Variants in RPS6KA5 observed in about 807,000 individuals in gnomAD.
RPS6KA5 encodes the protein ribosomal protein S6 kinase A5.
Under a neutral mutation model 85.5 loss-of-function variants are expected in RPS6KA5, and 27 were observed. The observed-to-expected ratio is 0.32, with a 90% CI of 0.23 to 0.44. The LOEUF (loss-of-function observed/expected upper bound fraction) is 0.44. RPS6KA5 is among the 20% of genes least tolerant of loss of function. The probability of loss-of-function intolerance (pLI) is 1.00; values close to 1 mark genes in which losing one functional copy is unlikely to be tolerated. For missense variants in RPS6KA5, 811 were observed against 980.9 expected (o/e 0.83, Z 2.31); for synonymous variants, 334 against 348.2 (o/e 0.96, Z 0.46).
At chr14:90,900,828 A>G in intron 9 of RPS6KA5, 92 bp from the exon 10 acceptor site, 15 of 1,051,028 alleles carry the variant, frequency 1.4e-5, no homozygotes, top group Non-Finnish European at 2.0e-5. Context: ...TTCCTTAGAA[A>G]AACACTCAAA....
chr14:90,888,336 A>G (rs908678031), intron 14 of RPS6KA5, among the ~76,000 whole-genome samples: 11 of 152,250 alleles, frequency 7.2e-5, no homozygotes, highest in African/African-American at 2.7e-4. Flanking sequence ...CTTGATGGAC[A>G]TAATTGGCCT....
At chr14:91,009,192 A>G (rs2041156181) in intron 1 of RPS6KA5, among the ~76,000 whole-genome samples, 2 of 152,200 alleles carry the variant, frequency 1.3e-5, no homozygotes, top group African/African-American at 4.8e-5. Context: ...AGGTGGGGCC[A>G]CTGGAAAGTG....
rs138654633 is a variant in RPS6KA5, at chr14:90,907,522, C to T, written c.807-1223G>A. ...TGAGCTACTGTTATACTCCCTCATT[C>T]CAAGGCAACCATATAGAAAATAGGC... On this transcript the variant is annotated intron_variant, in intron 7 of 16. Coordinates refer to ENST00000614987, the MANE Select transcript of RPS6KA5 (RefSeq NM_004755.4). Among the ~76,000 whole-genome samples, 876 of 152,266 alleles carry T rather than the reference C, an allele frequency of 5.8e-3. 15 individuals are homozygous for T. The highest frequency in any genetic ancestry group is 0.017 in the Middle Eastern group (5 of 294).
At position 91,009,410 on chromosome 14, in the gene RPS6KA5, G is replaced by A. The variant is rs531172386; in HGVS notation, c.104-8251C>T. On this transcript the variant is annotated intron_variant, in intron 1 of 16. Transcript: ENST00000614987. ...GTTGTTTATAAATTACCTAATCCAA[G>A]GTTGCTGGGCTTTTTCTTTTAATAG... Among the ~76,000 whole-genome samples the A allele has an allele frequency of 5.9e-5, 9 of 152,274 alleles. No individual in the cohort carries two copies. The South Asian group carries it at 1.9e-3, about 32-fold the overall frequency.
intron 14 of RPS6KA5, among the ~76,000 whole-genome samples, chr14:90,889,385 T>C (rs1484333796): frequency 4.6e-5 from 7 of 150,568 alleles, no homozygotes; most frequent in African/African-American, 1.7e-4. Flanking sequence ...TAAATATTCA[T>C]CAAAGAAACA....
chr14:90,983,947 C>G (rs534810371), intron 2 of RPS6KA5, among the ~76,000 whole-genome samples: 3 of 151,990 alleles, frequency 2.0e-5, no homozygotes, highest in Non-Finnish European at 4.4e-5. Context: ...TGGGTTCAAG[C>G]GATTCTCCCA....
At chr14:90,889,936 T>C (rs1465897073) in intron 14 of RPS6KA5, among the ~76,000 whole-genome samples, 3 of 152,130 alleles carry the variant, frequency 2.0e-5, no homozygotes, top group Non-Finnish European at 4.4e-5. Flanking sequence ...GAAAAAGTAA[T>C]GATATTTGGA....
At chr14:90,900,856 C>A in intron 9 of RPS6KA5, 120 bp from the exon 10 acceptor site, 1 of 769,186 alleles carries the variant, frequency 1.3e-6, no homozygotes, top group Non-Finnish European at 2.0e-6. Flanking sequence ...TGAGATGAGT[C>A]TAATTTTATT....
intron 3 of RPS6KA5, among the ~76,000 whole-genome samples, chr14:90,977,566 T>A (rs1346749021): frequency 1.3e-5 from 2 of 151,856 alleles, no homozygotes; most frequent in African/African-American, 4.9e-5. Context: ...GGAACAGAAG[T>A]CTTTTCTTTC....
Position 90,984,884 on chromosome 14 carries a change from A to T in RPS6KA5, c.176-6360T>A, listed in dbSNP as rs148883962. Among the ~76,000 whole-genome samples, 154 of 152,330 alleles carry T rather than the reference A, an allele frequency of 1.0e-3. 2 individuals carry two copies. The highest frequency in any genetic ancestry group is 4.2e-3 in the Admixed American group (64 of 15,308). On this transcript the variant is annotated intron_variant, in intron 2 of 16. Coordinates refer to ENST00000614987, the MANE Select transcript of RPS6KA5 (RefSeq NM_004755.4). ...AAGCAGTCTTCTTGAGCATAAACTT[A>T]TCTTTCATTTTATTTGCAAAATTTG...
intron 2 of RPS6KA5, among the ~76,000 whole-genome samples, chr14:90,981,954 A>G (rs552633784): frequency 5.4e-4 from 82 of 152,250 alleles, no homozygotes; most frequent in Non-Finnish European, 1.0e-3. Context: ...AACACATTCC[A>G]TACTGGAGAG....
Position 90,894,593 on chromosome 14 carries a change from A to C in RPS6KA5, c.1474-10T>G, listed in dbSNP as rs777106481. 1 of 1,612,692 alleles carries C rather than the reference A, an allele frequency of 6.2e-7. No individual in the cohort carries two copies. Among genetic ancestry groups the C allele is most frequent in the African/African-American group, 1.3e-5 (1 of 74,912 alleles). ...CTAGAAACGTGTGAAGCTAGAAAAGAGAAAGAATAACGTGGAGGGCCTTCC... is the reference window on the plus strand; with the variant it reads ...CTAGAAACGTGTGAAGCTAGAAAAGCGAAAGAATAACGTGGAGGGCCTTCC... On this transcript the variant is annotated splice_polypyrimidine_tract_variant and intron_variant, in intron 12 of 16. Coordinates refer to ENST00000614987, the MANE Select transcript of RPS6KA5 (RefSeq NM_004755.4).
At chr14:90,889,294 CAAAAAAAAAAAA>C (rs11450327) in intron 14 of RPS6KA5, among the ~76,000 whole-genome samples, 7 of 71,240 alleles carry the variant, frequency 9.8e-5, no homozygotes, top group African/African-American at 2.1e-4. Flanking sequence ...ACTTTGTCTC[CAAAAAAAAAAAA>C]AAAAAAAAAA....
chr14:91,018,243 T>C (rs868021394), intron 1 of RPS6KA5, among the ~76,000 whole-genome samples: 3 of 152,320 alleles, frequency 2.0e-5, no homozygotes, highest in Middle Eastern at 3.4e-3. Flanking sequence ...GTCATGAATA[T>C]TTCCTTATTT....
At chr14:90,944,626 A>G (rs1433560671) in intron 4 of RPS6KA5, among the ~76,000 whole-genome samples, 1 of 152,032 alleles carries the variant, frequency 6.6e-6, no homozygotes, top group Non-Finnish European at 1.5e-5. Context: ...GTGGTGGCAC[A>G]TGCCTGTAAT....
At chr14:91,056,791 G>T (rs1200484251) in intron 1 of RPS6KA5, among the ~76,000 whole-genome samples, 2 of 145,260 alleles carry the variant, frequency 1.4e-5, no homozygotes, top group Non-Finnish European at 3.0e-5. Context: ...TTATTTGAAA[G>T]CTAAAAGTCC....
At chr14:91,011,303 T>C (rs897300840) in intron 1 of RPS6KA5, among the ~76,000 whole-genome samples, 3 of 151,918 alleles carry the variant, frequency 2.0e-5, no homozygotes, top group East Asian at 1.9e-4. Context: ...CTGGCCAACA[T>C]GGTGAAACCC....
rs1566662643 is a variant in RPS6KA5 at position 90,863,326 on chromosome 14, A to AAAAAAAAAAG, written c.*8747_*8748insCTTTTTTTTT. On this transcript the variant is annotated 3_prime_UTR_variant, in exon 17 of 17. Coordinates refer to ENST00000614987, the MANE Select transcript of RPS6KA5 (RefSeq NM_004755.4). ...TCAAAAAAAAAAAAAAAAAAAAAAA[A>AAAAAAAAAAG]AAAAGAAAAGAAAAGAAAAAAATAT... 47 of 141,486 alleles carry AAAAAAAAAAG rather than the reference A, an allele frequency of 3.3e-4. No individual in the cohort carries two copies. Among genetic ancestry groups the AAAAAAAAAAG allele is most frequent in the African/African-American group, 1.0e-3 (36 of 35,498 alleles). 8.8% of individuals were successfully genotyped at this position (141,486 alleles called of 1,614,324 possible).
intron 1 of RPS6KA5, among the ~76,000 whole-genome samples, chr14:91,022,553 C>T (rs2041828584): frequency 6.6e-6 from 1 of 152,092 alleles, no homozygotes; most frequent in Non-Finnish European, 1.5e-5. Context: ...GAATTCAGGT[C>T]CTACCTCAGT....
Sources: allele counts gnomAD v4.1 joint callset (sites outside exome capture counted in the v4.1 genomes callset), GRCh38; gene constraint gnomAD v4.1.1; transcripts MANE v1.5; gene names NCBI Gene and HGNC (gene_info 2026-07-23, HGNC 2026-07-21).